Variants in SLC5A4 observed in about 807,000 individuals in gnomAD.
SLC5A4 encodes solute carrier family 5 member 4.
A neutral mutation model predicts 70.3 loss-of-function variants in SLC5A4; 55 were observed. The ratio of observed to expected loss-of-function variants is 0.78; its 90% CI spans 0.63 to 0.98. The LOEUF is 0.98. SLC5A4 is among the 50% of genes least tolerant of loss of function. The pLI, the probability that SLC5A4 is intolerant of heterozygous loss-of-function variation, is 0.00. For synonymous variants in SLC5A4, 268 were observed against 305.7 expected, an observed-to-expected ratio of 0.88 and a Z score of 1.29; for missense variants, 735 against 839.2, an observed-to-expected ratio of 0.88 and a Z score of 1.53.
the SLC5A4 span, among the ~76,000 whole-genome samples, chr22:32,325,544 G>A: frequency 1.3e-5 from 2 of 152,230 alleles, no homozygotes; most frequent in Non-Finnish European, 2.9e-5. Flanking sequence ...GTATGGAGAG[G>A]CAGCAGCCAC....
the SLC5A4 span, among the ~76,000 whole-genome samples, chr22:32,313,845 G>A: frequency 6.6e-6 from 1 of 152,182 alleles, no homozygotes; most frequent in Non-Finnish European, 1.5e-5. Flanking sequence ...TATCTTGCAT[G>A]CATGAGAATG....
chr22:32,310,488 C>T, the SLC5A4 span, among the ~76,000 whole-genome samples: 2 of 144,908 alleles, frequency 1.4e-5, no homozygotes, highest in Non-Finnish European at 3.0e-5. Context: ...ACAGGCTGTG[C>T]ACCCCCTTAT....
chr22:32,344,428 T>G, the SLC5A4 span, among the ~76,000 whole-genome samples: 3 of 152,196 alleles, frequency 2.0e-5, no homozygotes, highest in African/African-American at 7.2e-5. Context: ...AAAAATCTTA[T>G]TCACTAACAA....
chr22:32,310,440 G>A, the SLC5A4 span, among the ~76,000 whole-genome samples: 497 of 152,292 alleles, frequency 3.3e-3, 6 homozygotes, highest in African/African-American at 0.012. Flanking sequence ...GGCACTGCAC[G>A]TGGGACACAG....
intron 8 of SLC5A4, among the ~76,000 whole-genome samples, chr22:32,233,525 A>G (rs1026399734): frequency 4.6e-5 from 7 of 152,218 alleles, no homozygotes; most frequent in Non-Finnish European, 1.0e-4. Context: ...GTAGGGCAAA[A>G]ATGAATTCCC....
chr22:32,292,203 TATATA>T, the SLC5A4 span, among the ~76,000 whole-genome samples: 1 of 33,620 alleles, frequency 3.0e-5, no homozygotes, highest in East Asian at 4.9e-4. Flanking sequence ...TACTAGATAT[TATATA>T]ATATATATAT....
the SLC5A4 span, chr22:32,269,766 AT>A: frequency 4.4e-6 from 3 of 674,484 alleles, no homozygotes; most frequent in East Asian, 1.1e-4. This position sits in a 1 kb window ranked among gnomAD's most constrained non-coding sequence, Gnocchi z 4.1. Flanking sequence ...GGGTGTGTGA[AT>A]CCCCCTGGAC....
At chr22:32,335,593 G>T in the SLC5A4 span, among the ~76,000 whole-genome samples, 2 of 152,170 alleles carry the variant, frequency 1.3e-5, no homozygotes, top group South Asian at 4.1e-4. Context: ...CCACATGGCA[G>T]CCCAGAGAGG....
chr22:32,313,092 A>C, the SLC5A4 span, among the ~76,000 whole-genome samples: 2 of 152,232 alleles, frequency 1.3e-5, no homozygotes, highest in Admixed American at 6.5e-5. Flanking sequence ...TAGAAGAACC[A>C]AAATTACAGT....
chr22:32,315,951 GAGGTC>G, the SLC5A4 span, among the ~76,000 whole-genome samples: 1 of 151,936 alleles, frequency 6.6e-6, no homozygotes, highest in African/African-American at 2.4e-5. Flanking sequence ...GGTAGATCAC[GAGGTC>G]AGGAGTTCAA....
the SLC5A4 span, among the ~76,000 whole-genome samples, chr22:32,291,367 C>T: frequency 6.6e-6 from 1 of 151,922 alleles, no homozygotes; most frequent in African/African-American, 2.4e-5. Flanking sequence ...ATAGTAGAGA[C>T]GGGGTTTCAC....
At chr22:32,330,437 GAC>G in the SLC5A4 span, among the ~76,000 whole-genome samples, 1 of 114,978 alleles carries the variant, frequency 8.7e-6, no homozygotes, top group Non-Finnish European at 1.9e-5. Flanking sequence ...ATATGTTGGG[GAC>G]TCTGGAGGCT....
At chr22:32,286,501 A>C in the SLC5A4 span, among the ~76,000 whole-genome samples, 1 of 152,202 alleles carries the variant, frequency 6.6e-6, no homozygotes, top group African/African-American at 2.4e-5. Context: ...GCCTGATTGC[A>C]TCATCTTTGT....
chr22:32,340,097 A>G, the SLC5A4 span, among the ~76,000 whole-genome samples: 3 of 151,996 alleles, frequency 2.0e-5, no homozygotes, highest in Non-Finnish European at 4.4e-5. Flanking sequence ...CTTAGTTCCA[A>G]TTCCAGCTCA....
At chr22:32,232,786 G>C (rs1369937508) in intron 9 of SLC5A4, 113 bp downstream of exon 9, 6 of 1,370,780 alleles carry the variant, frequency 4.4e-6, no homozygotes, top group Non-Finnish European at 5.0e-6. Flanking sequence ...CCACCTGGAA[G>C]TCTGCTTTTA....
chr22:32,314,578 C>T, the SLC5A4 span, among the ~76,000 whole-genome samples: 38 of 152,046 alleles, frequency 2.5e-4, no homozygotes, highest in Non-Finnish European at 5.6e-4. Flanking sequence ...AAGAATGATT[C>T]AGAAAAGTTT....
chr22:32,237,381 C>A, intron 6 of SLC5A4, 57 bp from the exon 7 acceptor site: 1 of 1,197,164 alleles, frequency 8.4e-7, no homozygotes, highest in Non-Finnish European at 1.2e-6. Flanking sequence ...CATGTATTTA[C>A]CTTCACCACT....
the SLC5A4 span, among the ~76,000 whole-genome samples, chr22:32,303,476 C>T: frequency 6.6e-6 from 1 of 152,188 alleles, no homozygotes; most frequent in African/African-American, 2.4e-5. Context: ...GGAAGGAAAT[C>T]AGACATGGCA....
the SLC5A4 span, among the ~76,000 whole-genome samples, chr22:32,327,010 A>G: frequency 7.2e-5 from 11 of 152,326 alleles, no homozygotes; most frequent in Admixed American, 2.0e-4. Context: ...TGAGGTGTTC[A>G]TGAGTCTCCT....
Sources: gnomAD v4.1 joint callset for allele counts (sites outside exome capture counted in the v4.1 genomes callset) on GRCh38, gnomAD v4.1.1 for gene constraint, Gnocchi (gnomAD v3.1) non-coding constraint, MANE v1.5 for transcripts, NCBI Gene and HGNC (gene_info 2026-07-23, HGNC 2026-07-21) for gene names.